The following PRTFDC1 variants were observed in gnomAD, a reference collection of about 807,000 sequenced individuals.
The protein encoded by PRTFDC1 is phosphoribosyltransferase domain-containing protein 1.
In PRTFDC1, 38 loss-of-function variants were observed where a neutral mutation model predicts 34.6. That is an observed-to-expected ratio of 1.10 (90% confidence interval 0.85 to 1.44). The LOEUF is 1.44. Among genes scored for constraint, PRTFDC1 ranks in the 40% most tolerant of loss-of-function variants. The probability of loss-of-function intolerance (pLI) is 0.00; values close to 1 mark genes in which losing one functional copy is unlikely to be tolerated. For missense variants in PRTFDC1, 270 were observed against 283.0 expected, an observed-to-expected ratio of 0.95 and a Z score of 0.33; for synonymous variants, 93 against 98.1, an observed-to-expected ratio of 0.95 and a Z score of 0.31.
At chr10:24,940,329 G>GATAAAGGACTATTATCCAAAATAT (rs1302234737) in intron 2 of PRTFDC1, among the ~76,000 whole-genome samples, 2 of 152,094 alleles carry the variant, frequency 1.3e-5, no homozygotes, top group African/African-American at 4.8e-5. Flanking sequence ...TCATATATCT[G>GATAAAGGACTATTATCCAAAATAT]ATAAAGGACT....
chr10:24,866,323 T>C (rs1026477598), intron 4 of PRTFDC1, among the ~76,000 whole-genome samples: 1 of 139,294 alleles, frequency 7.2e-6, no homozygotes, highest in South Asian at 2.2e-4. Context: ...ATCGTACCAC[T>C]GCACTCCAGC....
intron 4 of PRTFDC1, among the ~76,000 whole-genome samples, chr10:24,861,947 A>G (rs1278425017): frequency 3.3e-5 from 5 of 151,896 alleles, no homozygotes; most frequent in Non-Finnish European, 7.4e-5. Context: ...CCGTGTATTC[A>G]TTCTTATTAT....
chr10:24,937,185 C>T lies in PRTFDC1; in HGVS notation c.338G>A (p.Arg113Lys). ...AAAGCGGAACTTGTAATAACTTACC[C>T]TGTAACTTTTTAGTCTGATGAAATC... Reference protein sequence around the residue: ...KVDFIRLKSYRNDQSMGEMQI... With the variant: ...KVDFIRLKSYKNDQSMGEMQI... The change falls in exon 3 of 9, where the codon AGG (arginine) becomes AAG (lysine). Residue 113 changes from arginine to lysine, a missense_variant and splice_region_variant. Coordinates refer to ENST00000320152, the MANE Select transcript of PRTFDC1 (RefSeq NM_020200.7). 1.2e-6 allele frequency: 2 copies of T among 1,609,564 alleles called. No homozygotes were observed. Among genetic ancestry groups the T allele is most frequent in the African/African-American group, 1.3e-5 (1 of 74,912 alleles).
chr10:24,931,355 A>G (rs1246000366), intron 3 of PRTFDC1, among the ~76,000 whole-genome samples: 1 of 152,076 alleles, frequency 6.6e-6, no homozygotes, highest in Non-Finnish European at 1.5e-5. Context: ...TAACCCCAAA[A>G]CAAACAGAAG....
intron 3 of PRTFDC1, chr10:24,908,290 A>C (rs1337942100): frequency 1.5e-5 from 9 of 595,470 alleles, no homozygotes; most frequent in Non-Finnish European, 5.6e-6. Flanking sequence ...AAGAACTAGA[A>C]GACTACCACA....
Position 24,849,733 on chromosome 10 carries a change from T to C in PRTFDC1, c.*111A>G. ...TCTCTCATTTGAACATTTTTTTCTT[T>C]TATATCCTGCTGAGTGAAGATGCCT... On this transcript the variant is annotated 3_prime_UTR_variant, in exon 9 of 9. Coordinates refer to ENST00000320152, the MANE Select transcript of PRTFDC1 (RefSeq NM_020200.7). 4 of 976,656 alleles carry C rather than the reference T, an allele frequency of 4.1e-6. No individual in the cohort carries two copies. The South Asian group carries it at 6.0e-5, about 15-fold the overall frequency. 60.5% of individuals were successfully genotyped at this position (976,656 alleles called of 1,614,324 possible).
intron 7 of PRTFDC1, among the ~76,000 whole-genome samples, chr10:24,853,686 C>G (rs1000819328): frequency 1.3e-5 from 2 of 152,080 alleles, no homozygotes; most frequent in Admixed American, 1.3e-4. Context: ...GGGAGCAATG[C>G]AATCCTTCCA....
intron 3 of PRTFDC1, among the ~76,000 whole-genome samples, chr10:24,934,245 A>G (rs201866065): frequency 1.2e-4 from 8 of 66,208 alleles, no homozygotes; most frequent in Admixed American, 3.6e-4. Flanking sequence ...GAAGAAGAAG[A>G]AGGAGAAGAA....
intron 3 of PRTFDC1, among the ~76,000 whole-genome samples, chr10:24,934,248 G>GGAGAAGAAGA (rs1564317714): frequency 4.1e-5 from 4 of 97,238 alleles, no homozygotes; most frequent in Non-Finnish European, 1.0e-4. Flanking sequence ...GAAGAAGAAG[G>GGAGAAGAAGA]AGAAGAAGAA....
chr10:24,875,172 CG>C (rs1847941006), intron 3 of PRTFDC1, among the ~76,000 whole-genome samples: 1 of 152,020 alleles, frequency 6.6e-6, no homozygotes, highest in African/African-American at 2.4e-5. Context: ...AGGTACAATG[CG>C]ATGTTATGAT....
chr10:24,925,420 A>G (rs934574804), intron 3 of PRTFDC1, among the ~76,000 whole-genome samples: 15 of 152,210 alleles, frequency 9.9e-5, no homozygotes, highest in Non-Finnish European at 1.9e-4. Flanking sequence ...ATGTATACCT[A>G]TGTAACAAAC....
At position 24,935,561 on chromosome 10, in the gene PRTFDC1, C is replaced by T. The variant is rs967381948; in HGVS notation, c.339+1623G>A. ...AAGACAGATTGGTGGCCCTGAAGAC[C>T]GCTGTCCCCTGGTGTACACACCCTG... On this transcript the variant is annotated intron_variant, in intron 3 of 8. Transcript: ENST00000320152. Among the ~76,000 whole-genome samples, 20 of 152,128 alleles carry T rather than the reference C, an allele frequency of 1.3e-4. No individual in the cohort carries two copies. In the East Asian group the frequency reaches 2.5e-3, roughly 19 times the overall value.
chr10:24,942,993 A>C (rs1289655272), intron 1 of PRTFDC1, among the ~76,000 whole-genome samples: 2 of 151,586 alleles, frequency 1.3e-5, no homozygotes, highest in Admixed American at 6.6e-5. Flanking sequence ...AGCTAACCCG[A>C]TAGCATTATT....
At chr10:24,883,207 C>T (rs1053127608) in intron 3 of PRTFDC1, among the ~76,000 whole-genome samples, 2 of 151,324 alleles carry the variant, frequency 1.3e-5, no homozygotes, top group Non-Finnish European at 2.9e-5. Flanking sequence ...TCTTGCATTT[C>T]CTGACTTTGG....
rs547134632 is a variant in PRTFDC1, at chr10:24,941,165, C to T, written c.155+1165G>A. ...ACCTCCCAGACTCAAGTGATCCTCT[C>T]GCCTTAGCCTCCCTAGTAGCTGGGA... On this transcript the variant is annotated intron_variant, in intron 2 of 8. Coordinates refer to ENST00000320152, the MANE Select transcript of PRTFDC1 (RefSeq NM_020200.7). Among the ~76,000 whole-genome samples, 7 of 152,050 alleles carry T rather than the reference C, an allele frequency of 4.6e-5. No homozygotes were observed. In the East Asian group the frequency reaches 1.2e-3, roughly 25 times the overall value.
In PRTFDC1 at chr10:24,937,241, T is replaced by A; in HGVS notation, c.282A>T (p.Arg94=). ...DLVEHLKNIS[R]NSDRFVSMKV... ...TCATTGAGACAAATCGATCTGAATT[T>A]CGGCTGATGTTCTTAAGGTGTTCTA... is the stretch of plus-strand genomic sequence containing the variant. Residue 94 remains arginine (R), a synonymous_variant, in exon 3 of 9, where the codon CGA becomes CGT. Coordinates refer to ENST00000320152, the MANE Select transcript of PRTFDC1 (RefSeq NM_020200.7). 1 of 1,614,038 alleles carries A rather than the reference T, an allele frequency of 6.2e-7. No homozygotes were observed. The highest frequency in any genetic ancestry group is 8.5e-7 in the Non-Finnish European group (1 of 1,179,990).
intron 1 of PRTFDC1, among the ~76,000 whole-genome samples, chr10:24,944,553 C>T (rs990180375): frequency 6.6e-5 from 10 of 152,104 alleles, no homozygotes; most frequent in South Asian, 2.1e-4. Context: ...GAGGCTGAGG[C>T]GGGAAGACCT....
intron 3 of PRTFDC1, among the ~76,000 whole-genome samples, 169 bp from the exon 4 acceptor site, chr10:24,872,232 T>A (rs577722650): frequency 3.9e-5 from 6 of 152,188 alleles, no homozygotes; most frequent in Non-Finnish European, 7.3e-5. Flanking sequence ...ATGCTCCTGC[T>A]ACTGCCCTTG....
intron 3 of PRTFDC1, among the ~76,000 whole-genome samples, chr10:24,880,247 CTTTTTTTTCTTTTTTTTTTT>C (rs945103441): frequency 6.7e-6 from 1 of 149,800 alleles, no homozygotes; most frequent in Non-Finnish European, 1.5e-5. Flanking sequence ...ATTTTTTTTT[CTTTTTTTTCTTTTTTTTTTT>C]GTTGAGACAG....
Sources: allele counts gnomAD v4.1 joint callset (sites outside exome capture counted in the v4.1 genomes callset), GRCh38; gene constraint gnomAD v4.1.1; transcripts MANE v1.5; gene names NCBI Gene and HGNC (gene_info 2026-07-23, HGNC 2026-07-21).